ANO3: variants seen among roughly 807,000 people sequenced by gnomAD.
The protein encoded by ANO3 is anoctamin-3.
A neutral mutation model predicts 144.8 loss-of-function variants in ANO3; 99 were observed. That is an observed-to-expected ratio of 0.68 (90% CI 0.58 to 0.81). The LOEUF (loss-of-function observed/expected upper bound fraction) is 0.81, where lower values mean the gene tolerates loss of function less well. Among genes scored for constraint, ANO3 ranks in the 30% least tolerant of loss-of-function variants. ANO3 has a pLI of 0.00. For missense variants in ANO3, 905 were observed against 1,202.2 expected (o/e 0.75, Z 3.66); for synonymous variants, 414 against 392.6 (o/e 1.05, Z -0.64).
chr11:26,281,335 T>C (rs1853674601), intron 1 of ANO3, among the ~76,000 whole-genome samples: 1 of 152,144 alleles, frequency 6.6e-6, no homozygotes, highest in Non-Finnish European at 1.5e-5. Context: ...TTCCTAATCA[T>C]ATTCACGTTT....
chr11:26,531,153 C>A, intron 7 of ANO3, 52 bp from the exon 8 acceptor site: 2 of 1,599,484 alleles, frequency 1.3e-6, no homozygotes, highest in South Asian at 2.2e-5. Context: ...GGAAGGTAGT[C>A]ATGGCTTTGG....
chr11:26,227,204 T>C (rs537319455), intron 1 of ANO3, among the ~76,000 whole-genome samples: 2 of 152,308 alleles, frequency 1.3e-5, no homozygotes, highest in South Asian at 4.1e-4. Context: ...CATGGATGAT[T>C]AACTGGGTTG....
chr11:26,353,578 CCTTT>C (rs1855702303), intron 1 of ANO3, among the ~76,000 whole-genome samples: 1 of 152,140 alleles, frequency 6.6e-6, no homozygotes, highest in Non-Finnish European at 1.5e-5. Flanking sequence ...TTCGTTCCTT[CCTTT>C]CTTTCTTTGG....
chr11:26,575,502 T>C (rs1565118001), intron 14 of ANO3, among the ~76,000 whole-genome samples: 1 of 152,080 alleles, frequency 6.6e-6, no homozygotes, highest in East Asian at 1.9e-4. Context: ...TGCAACAGAT[T>C]AGTGCTTTTT....
At chr11:26,612,478 T>C (rs138966831) in intron 17 of ANO3, among the ~76,000 whole-genome samples, 75 of 151,088 alleles carry the variant, frequency 5.0e-4, no homozygotes, top group African/African-American at 1.7e-3. Context: ...CTGGCTGTTG[T>C]TGTTTTTTAT....
chr11:26,254,828 G>A (rs967904250), intron 1 of ANO3, among the ~76,000 whole-genome samples: 10 of 152,162 alleles, frequency 6.6e-5, no homozygotes, highest in African/African-American at 2.2e-4. Flanking sequence ...ATACTTAGAA[G>A]AGGTTATCAT....
intron 4 of ANO3, among the ~76,000 whole-genome samples, chr11:26,475,639 GAAAACTTTTC>G (rs1859935906): frequency 6.6e-6 from 1 of 151,870 alleles, no homozygotes; most frequent in African/African-American, 2.4e-5. Flanking sequence ...CTTCATATTT[GAAAACTTTTC>G]AAAAGTATGT....
chr11:26,346,218 T>C (rs898733), intron 1 of ANO3, among the ~76,000 whole-genome samples: 150,476 of 152,302 alleles, frequency 0.99, 74,358 homozygotes, highest in Middle Eastern at 1. Context: ...TAGTACACTG[T>C]GAGATATATT....
At chr11:26,390,090 C>G (rs7940006) in intron 1 of ANO3, among the ~76,000 whole-genome samples, 40,393 of 151,910 alleles carry the variant, frequency 0.27, 6,025 homozygotes, top group African/African-American at 0.41. Context: ...ATGGTTCTCT[C>G]TTTTATTAAG....
At chr11:26,401,849 G>A (rs1251148622) in intron 1 of ANO3, among the ~76,000 whole-genome samples, 7 of 151,948 alleles carry the variant, frequency 4.6e-5, no homozygotes, top group South Asian at 2.1e-4. Flanking sequence ...AGTCTACCTC[G>A]TTAACCCAGA....
chr11:26,489,576 G>A (rs1403523024), intron 4 of ANO3, among the ~76,000 whole-genome samples: 1 of 152,180 alleles, frequency 6.6e-6, no homozygotes, highest in Non-Finnish European at 1.5e-5. Flanking sequence ...AAAGCCACGG[G>A]CACTCAACAC....
intron 1 of ANO3, among the ~76,000 whole-genome samples, chr11:26,253,159 C>T (rs2133821079): frequency 6.6e-6 from 1 of 152,288 alleles, no homozygotes; most frequent in East Asian, 1.9e-4. Context: ...CAGCACTTCT[C>T]TACACACAAA....
intron 1 of ANO3, among the ~76,000 whole-genome samples, chr11:26,322,420 T>C (rs531845767): frequency 1.3e-5 from 2 of 152,266 alleles, no homozygotes; most frequent in South Asian, 4.1e-4. Flanking sequence ...TATTATCACC[T>C]CATCTCTTTT....
At chr11:26,582,024 TAC>T (rs1472769734) in intron 14 of ANO3, among the ~76,000 whole-genome samples, 6 of 152,192 alleles carry the variant, frequency 3.9e-5, no homozygotes, top group East Asian at 3.9e-4. Context: ...CTCTTATGAA[TAC>T]AGTTTTATTA....
intron 14 of ANO3, among the ~76,000 whole-genome samples, chr11:26,594,851 T>C (rs1009122534): frequency 1.3e-5 from 2 of 152,144 alleles, no homozygotes; most frequent in South Asian, 2.1e-4. Context: ...ACAAAGGAGA[T>C]CTAGCTGTAA....
At chr11:26,441,892 T>C in intron 1 of ANO3, 26 bp from the exon 2 acceptor site, 1 of 1,582,118 alleles carries the variant, frequency 6.3e-7, no homozygotes, top group East Asian at 2.2e-5. Flanking sequence ...TTTTTATTGC[T>C]AAAACTCAAC....
chr11:26,609,991 A>G (rs1344498408), intron 17 of ANO3, among the ~76,000 whole-genome samples: 1 of 152,206 alleles, frequency 6.6e-6, no homozygotes, highest in Admixed American at 6.5e-5. Flanking sequence ...AGCTCACTGC[A>G]AACTTCACCT....
At chr11:26,362,510 T>C (rs1855954740) in intron 1 of ANO3, among the ~76,000 whole-genome samples, 1 of 152,160 alleles carries the variant, frequency 6.6e-6, no homozygotes, top group South Asian at 2.1e-4. Flanking sequence ...CAGATGGCCT[T>C]ATAGCAATTA....
chr11:26,244,429 C>G (rs1213781508), intron 1 of ANO3, among the ~76,000 whole-genome samples: 2 of 152,110 alleles, frequency 1.3e-5, no homozygotes, highest in Non-Finnish European at 2.9e-5. Flanking sequence ...GTTACAAAAT[C>G]TTTGGATTAT....
Sources: gnomAD v4.1 joint callset for allele counts (sites outside exome capture counted in the v4.1 genomes callset) on GRCh38, gnomAD v4.1.1 for gene constraint, MANE v1.5 for transcripts, NCBI Gene and HGNC (gene_info 2026-07-23, HGNC 2026-07-21) for gene names.